ROCK2: variants seen among roughly 807,000 people sequenced by gnomAD.
ROCK2 encodes the protein rho-associated protein kinase 2.
In ROCK2, 61 loss-of-function variants were observed where a neutral mutation model predicts 195.1. That is an observed-to-expected ratio of 0.31 (90% CI 0.25 to 0.39). The LOEUF is 0.39. Ranked by LOEUF, ROCK2 falls within the 10% of genes least tolerant of loss-of-function variation. ROCK2 has a pLI of 1.00. For synonymous variants in ROCK2, 504 were observed against 545.5 expected, an observed-to-expected ratio of 0.92 and a Z score of 1.06; for missense variants, 1,109 against 1,637.4, an observed-to-expected ratio of 0.68 and a Z score of 5.57.
intron 4 of ROCK2, among the ~76,000 whole-genome samples, chr2:11,245,267 TA>T (rs1054837580): frequency 6.7e-6 from 1 of 149,274 alleles, no homozygotes; most frequent in Non-Finnish European, 1.5e-5. Flanking sequence ...TATAAATTTA[TA>T]AAAATATAAA....
In ROCK2 at chr2:11,179,856, AAAAAAG is replaced by A. The variant is rs1392608423; in HGVS notation, c.*3575_*3580del. On this transcript the variant is annotated 3_prime_UTR_variant, in exon 33 of 33. Coordinates refer to ENST00000315872, the MANE Select transcript of ROCK2 (RefSeq NM_004850.5). ...TACTACGAAGATGCAACAAAATTTT[AAAAAAG>A]AAAAAGGGGTGCAATTTTTTTCAGA... 6.6e-6 allele frequency: 1 copy of A among 152,214 alleles called. No homozygotes were observed. Among genetic ancestry groups the A allele is most frequent in the African/African-American group, 2.4e-5 (1 of 41,460 alleles). 9.4% of individuals were successfully genotyped at this position (152,214 alleles called of 1,614,324 possible). A position where few individuals can be genotyped will look rare whatever the true frequency, so the allele number is the denominator to read the frequency against.
rs546851629 is a variant in ROCK2 at position 11,205,841 on chromosome 2, G to A, written c.2549+1885C>T. Among the ~76,000 whole-genome samples the A allele has an allele frequency of 6.2e-4, 94 of 152,184 alleles. 1 individual carries two copies. The highest frequency in any genetic ancestry group is 3.4e-3 in the Middle Eastern group (1 of 294). ...CAAGGATTGGGGGCCGGGCACAGTG[G>A]CTCACACCTGTAATTCCAGTACTTT... On this transcript the variant is annotated intron_variant, in intron 20 of 32. Transcript: ENST00000315872.
intron 1 of ROCK2, among the ~76,000 whole-genome samples, chr2:11,337,602 G>T (rs990506174): frequency 2.6e-5 from 4 of 151,864 alleles, no homozygotes; most frequent in African/African-American, 9.6e-5. Context: ...AGTATAAAAT[G>T]GTATAACTAC....
At chr2:11,221,598 C>T (rs946336406) in intron 8 of ROCK2, among the ~76,000 whole-genome samples, 7 of 152,052 alleles carry the variant, frequency 4.6e-5, no homozygotes, top group African/African-American at 1.7e-4. Flanking sequence ...TTACAAGCAG[C>T]AATAATTTGC....
At chr2:11,250,024 T>C (rs983775905) in intron 3 of ROCK2, among the ~76,000 whole-genome samples, 2 of 152,180 alleles carry the variant, frequency 1.3e-5, no homozygotes, top group African/African-American at 4.8e-5. Context: ...AAATTCAATA[T>C]ACAACTCTCT....
intron 1 of ROCK2, among the ~76,000 whole-genome samples, chr2:11,340,743 G>A (rs1434213909): frequency 6.6e-6 from 1 of 152,144 alleles, no homozygotes; most frequent in East Asian, 1.9e-4. Flanking sequence ...TAGTTTACAA[G>A]TATAATGAAA....
chr2:11,186,911 G>A (rs79850059), intron 32 of ROCK2, among the ~76,000 whole-genome samples: 167 of 152,136 alleles, frequency 1.1e-3, no homozygotes, highest in African/African-American at 3.9e-3. Flanking sequence ...TTCCCCAAGC[G>A]CTCTGTTCAT....
intron 1 of ROCK2, among the ~76,000 whole-genome samples, chr2:11,305,054 A>C (rs1336252931): frequency 1.3e-5 from 2 of 152,224 alleles, no homozygotes; most frequent in African/African-American, 4.8e-5. Context: ...AGATTGTATC[A>C]ATATGAATTA....
At chr2:11,256,302 C>T (rs1666032245) in intron 3 of ROCK2, among the ~76,000 whole-genome samples, 1 of 151,152 alleles carries the variant, frequency 6.6e-6, no homozygotes, top group South Asian at 2.1e-4. Flanking sequence ...CCTTGTTGTT[C>T]TCCTGATAGT....
intron 1 of ROCK2, among the ~76,000 whole-genome samples, chr2:11,319,611 G>A (rs1668338688): frequency 6.6e-6 from 1 of 152,032 alleles, no homozygotes; most frequent in Admixed American, 6.6e-5. Flanking sequence ...CTGCCTGATT[G>A]CCCTGGCCAG....
chr2:11,216,297 T>C, intron 12 of ROCK2, 91 bp from the exon 13 acceptor site: 2 of 935,924 alleles, frequency 2.1e-6, no homozygotes, highest in South Asian at 2.9e-5. Flanking sequence ...AATTACTTGG[T>C]AGCTCTCCTT....
At chr2:11,295,998 AGAGAGAG>A (rs1267667608) in intron 1 of ROCK2, among the ~76,000 whole-genome samples, 29 of 24,422 alleles carry the variant, frequency 1.2e-3, no homozygotes, top group East Asian at 0.011. Flanking sequence ...GAGGAGAGAG[AGAGAGAG>A]GAGAGAGAGA....
intron 5 of ROCK2, among the ~76,000 whole-genome samples, chr2:11,230,480 T>C (rs905788238): frequency 1.6e-4 from 25 of 152,088 alleles, no homozygotes; most frequent in African/African-American, 6.0e-4. Context: ...AAGAACTACA[T>C]GTAACTCAAG....
intron 3 of ROCK2, among the ~76,000 whole-genome samples, chr2:11,277,245 AAC>A (rs1666856173): frequency 6.6e-6 from 1 of 152,228 alleles, no homozygotes; most frequent in African/African-American, 2.4e-5. Context: ...CCAATATGGT[AAC>A]AGACAGAATA....
chr2:11,293,194 C>T (rs948730569), intron 1 of ROCK2, among the ~76,000 whole-genome samples: 19 of 152,196 alleles, frequency 1.2e-4, no homozygotes, highest in Admixed American at 3.9e-4. Context: ...GTTACATCAT[C>T]ACGGTTCTGC....
chr2:11,255,047 C>G (rs1413826296), intron 3 of ROCK2, among the ~76,000 whole-genome samples: 1 of 151,706 alleles, frequency 6.6e-6, no homozygotes, highest in Non-Finnish European at 1.5e-5. Context: ...GAAACCCCGT[C>G]TGTACTAAAA....
At chr2:11,223,310 G>A (rs528092365) in intron 7 of ROCK2, among the ~76,000 whole-genome samples, 1 of 152,240 alleles carries the variant, frequency 6.6e-6, no homozygotes, top group Non-Finnish European at 1.5e-5. Context: ...ACAATGTTCA[G>A]TTTGACGAGA....
At position 11,196,438 on chromosome 2, in the gene ROCK2, C is replaced by T. The variant is rs539935175; in HGVS notation, c.3448+742G>A. 3.9e-5 allele frequency among the ~76,000 whole-genome samples: 6 copies of T among 152,308 alleles called. No homozygotes were observed. The East Asian group carries it at 1.2e-3, about 29-fold the overall frequency. On this transcript the variant is annotated intron_variant, in intron 27 of 32. Transcript: ENST00000315872. ...CTAAAACAAGCAGTGAAACCATGCG[C>T]TCTTAAGCAATATAATGTATTACTC...
chr2:11,328,728 T>G (rs1053250470), intron 1 of ROCK2, among the ~76,000 whole-genome samples: 1 of 152,138 alleles, frequency 6.6e-6, no homozygotes, highest in South Asian at 2.1e-4. Flanking sequence ...CATGGAATAC[T>G]ATGCAGCCAT....
Sources: allele counts gnomAD v4.1 joint callset (sites outside exome capture counted in the v4.1 genomes callset), GRCh38; gene constraint gnomAD v4.1.1; transcripts MANE v1.5; gene names NCBI Gene and HGNC (gene_info 2026-07-23, HGNC 2026-07-21).